Variants in UGT2B17 observed in about 807,000 individuals in gnomAD.
UGT2B17 encodes the protein UDP-glucuronosyltransferase 2B17.
A neutral mutation model predicts 48.2 loss-of-function variants in UGT2B17; 21 were observed. The ratio of observed to expected loss-of-function variants is 0.44; its 90% CI spans 0.31 to 0.63. UGT2B17 has a LOEUF of 0.63. UGT2B17 is among the 20% of genes least tolerant of loss of function. The pLI, the probability that UGT2B17 is intolerant of heterozygous loss-of-function variation, is 0.08. For missense variants in UGT2B17, 402 were observed against 696.1 expected (o/e 0.58, Z 4.75); for synonymous variants, 146 against 238.4 (o/e 0.61, Z 3.57).
At position 68,570,368 on chromosome 4, in the gene UGT2B17, T is replaced by A. The variant is rs1400644004; in HGVS notation, c.-64-1820A>T. ...CTGTACAATGTCTGGAATCTCTGAA[T>A]AACATCGGTTTCTAAGTTATGAGTT... is the stretch of plus-strand genomic sequence containing the variant. On this transcript the variant is annotated intron_variant, in intron 1 of 6. Coordinates refer to ENST00000317746, the MANE Select transcript of UGT2B17 (RefSeq NM_001077.4). Among the ~76,000 whole-genome samples, 4 of 127,122 alleles carry A rather than the reference T, an allele frequency of 3.1e-5. 1 individual carries two copies. The highest frequency in any genetic ancestry group is 1.1e-4 in the African/African-American group (4 of 37,136). 83.4% of individuals were successfully genotyped at this position (127,122 alleles called of 152,430 possible).
rs890274864 is a variant in UGT2B17, at chr4:68,537,872, A to G, written c.1346T>C (p.Ile449Thr). 2 of 1,370,108 alleles carry G rather than the reference A, an allele frequency of 1.5e-6. No homozygotes were observed. The highest frequency in any genetic ancestry group is 3.0e-5 in the African/African-American group (2 of 67,626). 84.9% of individuals were successfully genotyped at this position (1,370,108 alleles called of 1,614,324 possible). A position where few individuals can be genotyped will look rare whatever the true frequency, so the allele number is the denominator to read the frequency against. Residue 449 changes from isoleucine to threonine, a missense_variant, in exon 7 of 7, where the codon ATT becomes ACT. Coordinates refer to ENST00000317746, the MANE Select transcript of UGT2B17 (RefSeq NM_001077.4). ...GGGCTTCACCGGTTGATCATGATGA[A>G]TTCTTGATAATTTCATGATATTCTC... Reference protein sequence around the residue: ...YKENIMKLSRIHHDQPVKPLD... With the variant: ...YKENIMKLSRTHHDQPVKPLD...
rs1213702622 is a variant in UGT2B17, at chr4:68,567,222, T to C, written c.724+539A>G. On this transcript the variant is annotated intron_variant, in intron 2 of 6. Coordinates refer to ENST00000317746, the MANE Select transcript of UGT2B17 (RefSeq NM_001077.4). ...AATTGTGAAGTTGTTATTGAAGGAA[T>C]GTATAAATATTAGAAATCTCAAGTT... 2.4e-5 allele frequency among the ~76,000 whole-genome samples: 3 copies of C among 125,048 alleles called. 1 individual carries two copies. Among genetic ancestry groups the C allele is most frequent in the Non-Finnish European group, 5.1e-5 (3 of 59,314 alleles). The allele number at this position is 125,048 out of a possible 152,430, so 82.0% of individuals were successfully genotyped here.
Position 68,568,008 on chromosome 4 carries a change from C to G in UGT2B17, c.477G>C (p.Glu159Asp). ...GTATGTTAAGTAGCTCAGCCAGCAG[C>G]TCACCACAGGGATTAACGGCATCTG... The part of the protein sequence containing the change: ...LLADAVNPCG[E>D]LLAELLNIPF... The change falls in exon 2 of 7, where the codon GAG (glutamate) becomes GAC (aspartate). Residue 159 changes from glutamate to aspartate, a missense_variant. By Grantham distance (45) the Glu-to-Asp change is conservative (BLOSUM62 2). Transcript: ENST00000317746. 2 of 1,382,314 alleles carry G rather than the reference C, an allele frequency of 1.4e-6. 1 individual carries two copies. 85.6% of individuals were successfully genotyped at this position (1,382,314 alleles called of 1,614,324 possible). A position where few individuals can be genotyped will look rare whatever the true frequency, so the allele number is the denominator to read the frequency against.
Position 68,568,989 on chromosome 4 carries a change from C to A in UGT2B17, c.-64-441G>T, listed in dbSNP as rs538312948. On this transcript the variant is annotated intron_variant, in intron 1 of 6. Transcript: ENST00000317746. Reference sequence around the variant, plus strand: ...TTCTATACAATAGCCTCTAACCCCCCACTCTGAAATTTTGCATCCATCCTA... The same window carrying A: ...TTCTATACAATAGCCTCTAACCCCCAACTCTGAAATTTTGCATCCATCCTA... Among the ~76,000 whole-genome samples the A allele has an allele frequency of 2.8e-4, 38 of 137,940 alleles. 2 individuals are homozygous for A. The highest frequency in any genetic ancestry group is 1.8e-3 in the South Asian group (6 of 3,416). The allele number at this position is 137,940 out of a possible 152,430, so 90.5% of individuals were successfully genotyped here. A position where few individuals can be genotyped will look rare whatever the true frequency, so the allele number is the denominator to read the frequency against.
intron 4 of UGT2B17, among the ~76,000 whole-genome samples, chr4:68,552,435 A>G (rs1387511763): frequency 1.6e-5 from 2 of 126,104 alleles, no homozygotes; most frequent in Non-Finnish European, 3.4e-5. Flanking sequence ...GACTGAACAA[A>G]TGTCCATCTT....
chr4:68,565,502 C>A, intron 3 of UGT2B17, 70 bp downstream of exon 3: 1 of 1,214,810 alleles, frequency 8.2e-7, no homozygotes, highest in Non-Finnish European at 1.1e-6. Context: ...GTTAAACACT[C>A]TGAAAGAAAC....
At chr4:68,564,294 A>ATATATTTTTT (rs1366181355) in intron 3 of UGT2B17, among the ~76,000 whole-genome samples, 1 of 75,786 alleles carries the variant, frequency 1.3e-5, no homozygotes, top group African/African-American at 5.1e-5. Context: ...ATATATATAT[A>ATATATTTTTT]TTTTTTTTTT....
intron 1 of UGT2B17, among the ~76,000 whole-genome samples, chr4:68,569,028 C>A (rs1423889543): frequency 7.4e-6 from 1 of 135,572 alleles, no homozygotes; most frequent in Non-Finnish European, 1.6e-5. Flanking sequence ...TAGGCAACCA[C>A]TAATCTAATT....
chr4:68,565,054 A>G (rs967496224), intron 3 of UGT2B17, among the ~76,000 whole-genome samples: 1 of 125,628 alleles, frequency 8.0e-6, no homozygotes, highest in Non-Finnish European at 1.7e-5. Flanking sequence ...CGTTTCACCT[A>G]TCTCTGCACA....
chr4:68,538,809 C>G (rs1292191363), intron 6 of UGT2B17, among the ~76,000 whole-genome samples: 1 of 126,330 alleles, frequency 7.9e-6, no homozygotes, highest in Non-Finnish European at 1.7e-5. Flanking sequence ...TGTACACTTT[C>G]TTCTAGAGAC....
chr4:68,567,832 A>G lies in UGT2B17; in HGVS notation c.653T>C (p.Met218Thr). The G allele has an allele frequency of 1.5e-6, 2 of 1,374,634 alleles. No individual in the cohort carries two copies. The highest frequency in any genetic ancestry group is 1.9e-6 in the Non-Finnish European group (2 of 1,052,840). The allele number at this position is 1,374,634 out of a possible 1,614,324, so 85.2% of individuals were successfully genotyped here. A position where few individuals can be genotyped will look rare whatever the true frequency, so the allele number is the denominator to read the frequency against. Residue 218 changes from methionine (M) to threonine (T), a missense_variant, in exon 2 of 7, where the codon ATG (methionine) becomes ACG (threonine). Around this residue, in one of 5 missense-constraint regions of UGT2B17, gnomAD observed 106 missense variants for 169.8 expected, o/e 0.62. Coordinates refer to ENST00000317746, the MANE Select transcript of UGT2B17 (RefSeq NM_001077.4). ...FMERIKNMIY[M>T]LYFDFWFQAY... ...TTGAAACCAAAAGTCAAAATAAAGC[A>G]TATATATCATATTTTTTATCCTCTC...
Position 68,569,583 on chromosome 4 carries a change from A to G in UGT2B17, c.-64-1035T>C, listed in dbSNP as rs1351566328. ...TGGGGCCTGAAAGCTTGAAGGGATG[A>G]GTAACTCCTCCCTTCTCAGGCCCAG... On this transcript the variant is annotated intron_variant, in intron 1 of 6. Transcript: ENST00000317746. 1.6e-5 allele frequency among the ~76,000 whole-genome samples: 2 copies of G among 124,668 alleles called. 1 individual carries two copies. The highest frequency in any genetic ancestry group is 3.4e-5 in the Non-Finnish European group (2 of 59,004). The allele number at this position is 124,668 out of a possible 152,430, so 81.8% of individuals were successfully genotyped here. A position where few individuals can be genotyped will look rare whatever the true frequency, so the allele number is the denominator to read the frequency against.
At position 68,555,588 on chromosome 4, in the gene UGT2B17, C is replaced by G. The variant is rs539221492; in HGVS notation, c.1006-3677G>C. On this transcript the variant is annotated intron_variant, in intron 4 of 6. Transcript: ENST00000317746. ...TGTCTCAGTTATAATTTTGCAATGG[C>G]AATTCCATAACTTTAAATGATGACT... Among the ~76,000 whole-genome samples, 20 of 126,014 alleles carry G rather than the reference C, an allele frequency of 1.6e-4. 6 individuals are homozygous for G. The South Asian group carries it at 7.3e-3, about 46-fold the overall frequency. The allele number at this position is 126,014 out of a possible 152,430, so 82.7% of individuals were successfully genotyped here.
At position 68,561,286 on chromosome 4, in the gene UGT2B17, C is replaced by A. The variant is rs1731097861; in HGVS notation, c.874-618G>T. 1.7e-5 allele frequency among the ~76,000 whole-genome samples: 2 copies of A among 118,152 alleles called. 1 individual carries two copies. The highest frequency in any genetic ancestry group is 3.5e-5 in the Non-Finnish European group (2 of 57,018). 77.5% of individuals were successfully genotyped at this position (118,152 alleles called of 152,430 possible). Reference sequence around the variant, plus strand: ...CCACTACCCCTCACTTCCCCCGACACCCCCACCCCCAAAAAACACCTTAAA... The same window carrying A: ...CCACTACCCCTCACTTCCCCCGACAACCCCACCCCCAAAAAACACCTTAAA... On this transcript the variant is annotated intron_variant, in intron 3 of 6. Transcript: ENST00000317746.
At position 68,552,060 on chromosome 4, in the gene UGT2B17, G is replaced by A. The variant is rs573741939; in HGVS notation, c.1006-149C>T. ...TGTCAAGTAATGAGAACTACTAAAA[G>A]TCTGAGGTAAGCTGAATACCCACAT... On this transcript the variant is annotated intron_variant, in intron 4 of 6. Coordinates refer to ENST00000317746, the MANE Select transcript of UGT2B17 (RefSeq NM_001077.4). 39 of 513,382 alleles carry A rather than the reference G, an allele frequency of 7.6e-5. 8 individuals carry two copies. Among genetic ancestry groups the A allele is most frequent in the African/African-American group, 2.5e-4 (12 of 48,806 alleles). The allele number at this position is 513,382 out of a possible 1,614,324, so 31.8% of individuals were successfully genotyped here.
intron 1 of UGT2B17, among the ~76,000 whole-genome samples, chr4:68,571,955 T>C (rs1278469074): frequency 1.6e-5 from 2 of 125,444 alleles, no homozygotes; most frequent in Non-Finnish European, 3.4e-5. Context: ...TAATGATATA[T>C]ATTTTTCTTT....
At position 68,574,953 on chromosome 4, in the gene UGT2B17, C is replaced by T. The variant is rs1462713535; in HGVS notation, c.-65+998G>A. The stretch of plus-strand genomic sequence containing the variant: ...TACATAAATTTTACCTCCTCCCCCC[C>T]CTTTTTTTTTTGAAGATAACCATTC... On this transcript the variant is annotated intron_variant, in intron 1 of 6. Coordinates refer to ENST00000317746, the MANE Select transcript of UGT2B17 (RefSeq NM_001077.4). Among the ~76,000 whole-genome samples, 2 of 67,354 alleles carry T rather than the reference C, an allele frequency of 3.0e-5. 1 individual carries two copies. Among genetic ancestry groups the T allele is most frequent in the Non-Finnish European group, 6.2e-5 (2 of 32,458 alleles). 44.2% of individuals were successfully genotyped at this position (67,354 alleles called of 152,430 possible). A position where few individuals can be genotyped will look rare whatever the true frequency, so the allele number is the denominator to read the frequency against.
rs1043038830 is a variant in UGT2B17 at position 68,537,682 on chromosome 4, A to G, written c.1536T>C (p.Cys512=). 6 of 1,378,072 alleles carry G rather than the reference A, an allele frequency of 4.4e-6. 1 individual carries two copies. The African/African-American group carries it at 8.8e-5, about 20-fold the overall frequency. The allele number at this position is 1,378,072 out of a possible 1,614,324, so 85.4% of individuals were successfully genotyped here. ...VATMIFMITK[C]CLFCFRKLAK... ...CAAGCTTTCGGAAACAAAACAGGCAACATTTTGTGATCATAAATATCATAG... is the reference window on the plus strand; with the variant it reads ...CAAGCTTTCGGAAACAAAACAGGCAGCATTTTGTGATCATAAATATCATAG... Residue 512 remains cysteine (C), a synonymous_variant, in exon 7 of 7, where the codon TGT becomes TGC. Transcript: ENST00000317746.
intron 3 of UGT2B17, among the ~76,000 whole-genome samples, chr4:68,563,627 C>T (rs1482033406): frequency 7.9e-6 from 1 of 126,234 alleles, no homozygotes; most frequent in Non-Finnish European, 1.7e-5. Flanking sequence ...CCTTGTCCTC[C>T]TTATTCTCCT....
Sources: allele counts gnomAD v4.1 joint callset (sites outside exome capture counted in the v4.1 genomes callset), GRCh38; gene constraint gnomAD v4.1.1; regional missense constraint gnomAD v4.1.1; transcripts MANE v1.5; gene names NCBI Gene and HGNC (gene_info 2026-07-23, HGNC 2026-07-21).